Variants in DYNC2H1 observed in about 807,000 individuals in gnomAD.
DYNC2H1 encodes dynein cytoplasmic 2 heavy chain 1.
A neutral mutation model predicts 570.0 loss-of-function variants in DYNC2H1; 410 were observed. The observed-to-expected ratio is 0.72, with a 90% CI of 0.66 to 0.78. DYNC2H1 has a LOEUF of 0.78. Among genes scored for constraint, DYNC2H1 ranks in the 30% least tolerant of loss-of-function variants. The pLI, the probability that DYNC2H1 is intolerant of heterozygous loss-of-function variation, is 0.00. For synonymous variants in DYNC2H1, 1,688 were observed against 1,677.6 expected (o/e 1.01, Z -0.15); for missense variants, 4,865 against 5,046.4 (o/e 0.96, Z 1.09).
intron 83 of DYNC2H1, among the ~76,000 whole-genome samples, chr11:103,385,565 A>T (rs1156550136): frequency 1.3e-5 from 2 of 152,146 alleles, no homozygotes; most frequent in African/African-American, 4.8e-5. Flanking sequence ...GGATAATAAA[A>T]CTTATATTAG....
intron 72 of DYNC2H1, 104 bp downstream of exon 72, chr11:103,282,333 A>G: frequency 1.0e-6 from 1 of 972,400 alleles, no homozygotes. Flanking sequence ...TTATTGTTGA[A>G]GTTATAATTT....
chr11:103,237,738 T>TAAAAA (rs11404563), intron 63 of DYNC2H1, among the ~76,000 whole-genome samples: 1 of 147,918 alleles, frequency 6.8e-6, no homozygotes, highest in Non-Finnish European at 1.5e-5. Context: ...GATTGCAAAT[T>TAAAAA]AAAAAAAAAA....
rs1860872525 is a variant in DYNC2H1 at position 103,157,116 on chromosome 11, T to C, written c.4127+346T>C. ...TGAGCATTTCTTCTTTCTTAGAAAGTCTCTTCCATTGGCTTCTGTGATTTC... is the reference window on the plus strand; with the variant it reads ...TGAGCATTTCTTCTTTCTTAGAAAGCCTCTTCCATTGGCTTCTGTGATTTC... On this transcript the variant is annotated intron_variant, in intron 26 of 88. Coordinates refer to ENST00000375735, the MANE Select transcript of DYNC2H1 (RefSeq NM_001377.3). This position sits in a 1 kb window ranked among gnomAD's most constrained non-coding sequence, Gnocchi z 4.2. Among the ~76,000 whole-genome samples, 1 of 152,204 alleles carries C rather than the reference T, an allele frequency of 6.6e-6. No individual in the cohort carries two copies. The highest frequency in any genetic ancestry group is 1.5e-5 in the Non-Finnish European group (1 of 68,018).
Position 103,368,182 on chromosome 11 carries a change from T to A in DYNC2H1, c.12156+9823T>A, listed in dbSNP as rs1404063763. Reference sequence around the variant, plus strand: ...TAGTTTTTTGAGAAAACTCTGTACTTTTAAAATAATAGCTATACTAATTTA... The same window carrying A: ...TAGTTTTTTGAGAAAACTCTGTACTATTAAAATAATAGCTATACTAATTTA... On this transcript the variant is annotated intron_variant, in intron 83 of 88. Coordinates refer to ENST00000375735, the MANE Select transcript of DYNC2H1 (RefSeq NM_001377.3). Among the ~76,000 whole-genome samples the A allele has an allele frequency of 2.6e-5, 4 of 152,242 alleles. No individual in the cohort carries two copies. In the East Asian group the frequency reaches 7.7e-4, roughly 29 times the overall value.
chr11:103,368,860 G>A (rs1214279318), intron 83 of DYNC2H1, among the ~76,000 whole-genome samples: 1 of 151,840 alleles, frequency 6.6e-6, no homozygotes, highest in East Asian at 1.9e-4. Flanking sequence ...GTGTTCTTGG[G>A]ACCTTTGTCA....
intron 85 of DYNC2H1, among the ~76,000 whole-genome samples, chr11:103,453,760 C>G (rs933185280): frequency 6.6e-6 from 1 of 150,996 alleles, no homozygotes; most frequent in African/African-American, 2.4e-5. Flanking sequence ...TTTAAAATAA[C>G]TGTTATAAAA....
Position 103,261,470 on chromosome 11 carries a change from C to A in DYNC2H1, c.10695+1493C>A, listed in dbSNP as rs1015303511. On this transcript the variant is annotated intron_variant, in intron 70 of 88. Coordinates refer to ENST00000375735, the MANE Select transcript of DYNC2H1 (RefSeq NM_001377.3). This position sits in a 1 kb window ranked among gnomAD's most constrained non-coding sequence, Gnocchi z 4.8. ...CACTGCAGCTGGCATCTGGTGCGTG[C>A]CCCTCTAGGACGAAGCTTCCAGAGG... is the stretch of plus-strand genomic sequence containing the variant. 1.3e-5 allele frequency among the ~76,000 whole-genome samples: 2 copies of A among 152,116 alleles called. No homozygotes were observed. The highest frequency in any genetic ancestry group is 2.4e-5 in the African/African-American group (1 of 41,368).
intron 65 of DYNC2H1, among the ~76,000 whole-genome samples, chr11:103,248,692 G>T (rs602398): frequency 0.4 from 60,878 of 151,682 alleles, 12,492 homozygotes; most frequent in African/African-American, 0.47. Context: ...AGATTCCTTT[G>T]CACTTTCTGT....
In DYNC2H1 at chr11:103,135,556, C is replaced by T. The variant is rs551239021; in HGVS notation, c.2267C>T (p.Ala756Val). ...KQHWNHQLYK[A>V]LEHQYQMGLE... ...CACTGGAATCATCAACTGTACAAAG[C>T]TCTGGAGCATCAGTACCAGATGGGC... The change falls in exon 16 of 89, where the codon GCT becomes GTT. Residue 756 changes from alanine (A) to valine (V), a missense_variant. Coordinates refer to ENST00000375735, the MANE Select transcript of DYNC2H1 (RefSeq NM_001377.3). The T allele has an allele frequency of 1.9e-6, 3 of 1,612,778 alleles. No homozygotes were observed. The highest frequency in any genetic ancestry group is 2.2e-5 in the South Asian group (2 of 90,710).
In DYNC2H1 at chr11:103,459,962, AAAAAAAG is replaced by A. The variant is rs1305107161; in HGVS notation, c.12648+3613_12648+3619del. The stretch of plus-strand genomic sequence containing the variant: ...CGACAGAGCGAGACTCCGTCTCAAA[AAAAAAAG>A]AAAAAAAAAAAAAAGCTGAAGGACT... On this transcript the variant is annotated intron_variant, in intron 87 of 88. Coordinates refer to ENST00000375735, the MANE Select transcript of DYNC2H1 (RefSeq NM_001377.3). Among the ~76,000 whole-genome samples the A allele has an allele frequency of 2.7e-5, 4 of 150,306 alleles. No homozygotes were observed. The East Asian group carries it at 8.6e-4, about 32-fold the overall frequency.
chr11:103,243,825 G>C lies in DYNC2H1; in HGVS notation c.9918+34G>C. ...TATTTATAATTTACATACCAATTAG[G>C]AATGACCTCTTATAGTGAAAAGATC... On this transcript the variant is annotated intron_variant, in intron 64 of 88. Coordinates refer to ENST00000375735, the MANE Select transcript of DYNC2H1 (RefSeq NM_001377.3). The surrounding 1 kb of genome is among the most constrained non-coding windows in gnomAD (Gnocchi z 4.8). The C allele has an allele frequency of 6.8e-7, 1 of 1,470,748 alleles. No individual in the cohort carries two copies. Among genetic ancestry groups the C allele is most frequent in the South Asian group, 1.3e-5 (1 of 79,820 alleles). 91.1% of individuals were successfully genotyped at this position (1,470,748 alleles called of 1,614,324 possible).
Position 103,272,339 on chromosome 11 carries a change from T to C in DYNC2H1, c.10696-8009T>C, listed in dbSNP as rs542095116. On this transcript the variant is annotated intron_variant, in intron 70 of 88. Coordinates refer to ENST00000375735, the MANE Select transcript of DYNC2H1 (RefSeq NM_001377.3). ...ATCGCAGGGACAAAAAACCAAACAC[T>C]GCGTGTTCTCACTCATAGGTGGGAA... 3.5e-3 allele frequency among the ~76,000 whole-genome samples: 531 copies of C among 151,826 alleles called. 3 individuals carry two copies. The highest frequency in any genetic ancestry group is 0.012 in the African/African-American group (477 of 41,350).
intron 83 of DYNC2H1, among the ~76,000 whole-genome samples, chr11:103,386,657 C>A (rs1237014802): frequency 6.6e-6 from 1 of 152,130 alleles, no homozygotes; most frequent in Non-Finnish European, 1.5e-5. Context: ...ACACTCCCCC[C>A]ACCCCACAAC....
At chr11:103,317,215 C>A (rs756051190) in intron 80 of DYNC2H1, among the ~76,000 whole-genome samples, 6 of 151,974 alleles carry the variant, frequency 3.9e-5, no homozygotes, top group Non-Finnish European at 5.9e-5. Flanking sequence ...AAAAATATCA[C>A]AAACAAATCT....
Position 103,156,542 on chromosome 11 carries a change from A to G in DYNC2H1, c.3899A>G (p.Asn1300Ser). ...KLIKDWKDIV[N>S]QVGDNRCLLQ... ...ATTAAAGACTGGAAAGATATAGTAA[A>G]TCAGGTTGGAGATAATAGATGCCTT... is the stretch of plus-strand genomic sequence containing the variant. The change falls in exon 26 of 89, where the codon AAT (asparagine) becomes AGT (serine). Residue 1300 changes from asparagine to serine, a missense_variant. Coordinates refer to ENST00000375735, the MANE Select transcript of DYNC2H1 (RefSeq NM_001377.3). The G allele has an allele frequency of 6.2e-7, 1 of 1,613,778 alleles. No individual in the cohort carries two copies. The highest frequency in any genetic ancestry group is 8.5e-7 in the Non-Finnish European group (1 of 1,179,748).
In DYNC2H1 at chr11:103,135,828, G is replaced by A. The variant is rs77738279; in HGVS notation, c.2454G>A (p.Glu818=). ...GIPNQFKGVG[E]AGDESIFSIM... is the part of the protein sequence containing the mutation. ...CAAATCAGTTTAAGGGAGTGGGTGA[G>A]GCAGGAGATGAATCTATTTTTTCTA... is the stretch of plus-strand genomic sequence containing the variant. Residue 818 remains glutamate, a synonymous_variant, in exon 17 of 89, where the codon GAG becomes GAA. Coordinates refer to ENST00000375735, the MANE Select transcript of DYNC2H1 (RefSeq NM_001377.3). The A allele has an allele frequency of 0.044, 71,270 of 1,612,950 alleles. 1,778 individuals are homozygous for A. The highest frequency in any genetic ancestry group is 0.076 in the East Asian group (3,397 of 44,820).
At chr11:103,400,110 G>T (rs1367330299) in intron 84 of DYNC2H1, among the ~76,000 whole-genome samples, 1 of 152,172 alleles carries the variant, frequency 6.6e-6, no homozygotes, top group Non-Finnish European at 1.5e-5. Flanking sequence ...TAGCTATCTA[G>T]TGTTACATAT....
At chr11:103,179,621 TAATTA>T (rs141530502) in intron 39 of DYNC2H1, among the ~76,000 whole-genome samples, 2,469 of 151,914 alleles carry the variant, frequency 0.016, 62 homozygotes, top group African/African-American at 0.055. Context: ...AGAATTTAAT[TAATTA>T]AATCTATTTA....
rs189650759 is a variant in DYNC2H1, at chr11:103,434,987, C to G, written c.12367-956C>G. Among the ~76,000 whole-genome samples, 525 of 152,200 alleles carry G rather than the reference C, an allele frequency of 3.4e-3. 6 individuals are homozygous for G. The highest frequency in any genetic ancestry group is 0.012 in the African/African-American group (482 of 41,540). On this transcript the variant is annotated intron_variant, in intron 84 of 88. Coordinates refer to ENST00000375735, the MANE Select transcript of DYNC2H1 (RefSeq NM_001377.3). The stretch of plus-strand genomic sequence containing the variant: ...AGACAGGAGCACAGACCTCAAGTCT[C>G]AAGAGGCAAAGTGTCAAAGGATTTG...
Sources: allele counts gnomAD v4.1 joint callset (sites outside exome capture counted in the v4.1 genomes callset), GRCh38; gene constraint gnomAD v4.1.1; non-coding constraint Gnocchi (gnomAD v3.1); transcripts MANE v1.5; gene names NCBI Gene and HGNC (gene_info 2026-07-23, HGNC 2026-07-21).